CNTNAP2: variants seen among roughly 807,000 people sequenced by gnomAD.
CNTNAP2 encodes contactin-associated protein-like 2.
In CNTNAP2, 98 loss-of-function variants were observed where a neutral mutation model predicts 155.2. That is an observed-to-expected ratio of 0.63 (90% CI 0.54 to 0.75). CNTNAP2 has a LOEUF of 0.75. Among genes scored for constraint, CNTNAP2 ranks in the 30% least tolerant of loss-of-function variants. CNTNAP2 has a pLI of 0.00. For synonymous variants in CNTNAP2, 651 were observed against 631.2 expected, an observed-to-expected ratio of 1.03 and a Z score of -0.47; for missense variants, 1,727 against 1,688.1, an observed-to-expected ratio of 1.02 and a Z score of -0.40.
At chr7:146,992,195 T>A (rs1442424933) in intron 3 of CNTNAP2, among the ~76,000 whole-genome samples, 3 of 152,294 alleles carry the variant, frequency 2.0e-5, no homozygotes, top group South Asian at 2.1e-4. Context: ...TATAGTTTCA[T>A]GTTAAAGAAG....
chr7:147,778,765 T>C (rs989149681), intron 13 of CNTNAP2, among the ~76,000 whole-genome samples: 11 of 152,260 alleles, frequency 7.2e-5, no homozygotes, highest in African/African-American at 1.2e-4. Flanking sequence ...CCTGCCTTGG[T>C]CTCCCAAAGT....
At chr7:146,877,382 G>T (rs1484578953) in intron 3 of CNTNAP2, among the ~76,000 whole-genome samples, 3 of 151,826 alleles carry the variant, frequency 2.0e-5, no homozygotes, top group African/African-American at 2.4e-5. Flanking sequence ...CCATGTGCCT[G>T]CAGTCTTATC....
At chr7:146,931,731 A>G (rs1415363526) in intron 3 of CNTNAP2, among the ~76,000 whole-genome samples, 1 of 149,464 alleles carries the variant, frequency 6.7e-6, no homozygotes, top group African/African-American at 2.5e-5. Context: ...TCAAATAGAC[A>G]CAATAAAAAA....
chr7:147,951,488 G>T (rs1350281315), intron 14 of CNTNAP2, among the ~76,000 whole-genome samples: 2 of 152,158 alleles, frequency 1.3e-5, no homozygotes, highest in Non-Finnish European at 2.9e-5. Context: ...TTAAGAAAGG[G>T]TGATGCTGGA....
At chr7:146,414,259 GA>G (rs1237828027) in intron 1 of CNTNAP2, among the ~76,000 whole-genome samples, 1 of 152,196 alleles carries the variant, frequency 6.6e-6, no homozygotes, top group African/African-American at 2.4e-5. Flanking sequence ...AGAGTTGGAA[GA>G]AAAGGGTGGT....
intron 21 of CNTNAP2, among the ~76,000 whole-genome samples, chr7:148,270,388 T>C (rs544566806): frequency 6.6e-6 from 1 of 152,040 alleles, no homozygotes; most frequent in East Asian, 1.9e-4. Context: ...TGTAAGGAGG[T>C]CCACAATTCC....
At chr7:148,183,672 G>C (rs2116707259) in intron 18 of CNTNAP2, among the ~76,000 whole-genome samples, 1 of 151,956 alleles carries the variant, frequency 6.6e-6, no homozygotes, top group East Asian at 1.9e-4. Context: ...TGTAGAAACA[G>C]GGTCTCACTG....
intron 1 of CNTNAP2, among the ~76,000 whole-genome samples, chr7:146,463,587 C>G (rs1027780409): frequency 2.0e-5 from 3 of 151,524 alleles, no homozygotes; most frequent in Non-Finnish European, 2.9e-5. Context: ...TATATACATA[C>G]GTGCACATGC....
At chr7:147,313,842 A>G in intron 9 of CNTNAP2, among the ~76,000 whole-genome samples, 1 of 151,474 alleles carries the variant, frequency 6.6e-6, no homozygotes, top group Admixed American at 6.6e-5. Context: ...GAATCTATAA[A>G]TTACCTTGGG....
chr7:147,992,710 G>A (rs1044723517), intron 15 of CNTNAP2, among the ~76,000 whole-genome samples: 2 of 152,166 alleles, frequency 1.3e-5, no homozygotes, highest in Admixed American at 6.5e-5. Context: ...CTGTCTAAGG[G>A]TGAATAGAAC....
intron 4 of CNTNAP2, among the ~76,000 whole-genome samples, chr7:147,047,407 A>G (rs1327320750): frequency 6.6e-6 from 1 of 150,440 alleles, no homozygotes; most frequent in Non-Finnish European, 1.5e-5. Flanking sequence ...GGTTATGCTT[A>G]TTGGTCATAC....
At chr7:147,772,173 C>A (rs1316078359) in intron 13 of CNTNAP2, among the ~76,000 whole-genome samples, 1 of 151,676 alleles carries the variant, frequency 6.6e-6, no homozygotes, top group Non-Finnish European at 1.5e-5. Flanking sequence ...CACCTGTAAT[C>A]CCAGCACTTT....
intron 2 of CNTNAP2, among the ~76,000 whole-genome samples, chr7:146,775,276 C>T (rs946557589): frequency 6.6e-6 from 1 of 152,070 alleles, no homozygotes; most frequent in Non-Finnish European, 1.5e-5. Flanking sequence ...TAATATGTTG[C>T]ATCCTTGAAA....
At chr7:147,996,708 T>TGTAATACTAGATGAATTAAGCTTAAATGC (rs1423971991) in intron 15 of CNTNAP2, among the ~76,000 whole-genome samples, 8 of 152,206 alleles carry the variant, frequency 5.3e-5, no homozygotes, top group Non-Finnish European at 7.3e-5. Flanking sequence ...CCCTCAGTTT[T>TGTAATACTAGATGAATTAAGCTTAAATGC]GTAATACTAG....
At chr7:147,483,168 A>AC (rs1364199825) in intron 10 of CNTNAP2, among the ~76,000 whole-genome samples, 1 of 152,150 alleles carries the variant, frequency 6.6e-6, no homozygotes, top group East Asian at 1.9e-4. Context: ...GTACAGTTGG[A>AC]CCTCTGTATT....
chr7:148,171,936 TA>T (rs1255481463), intron 17 of CNTNAP2, among the ~76,000 whole-genome samples: 1 of 152,250 alleles, frequency 6.6e-6, no homozygotes, highest in Non-Finnish European at 1.5e-5. Flanking sequence ...GAGATTTCTG[TA>T]AACGCTTTTT....
chr7:147,295,820 A>G (rs1438558513), intron 8 of CNTNAP2, among the ~76,000 whole-genome samples: 1 of 152,178 alleles, frequency 6.6e-6, no homozygotes, highest in African/African-American at 2.4e-5. Flanking sequence ...TAAAATTTCA[A>G]AATAATAATT....
At chr7:148,291,298 A>AT (rs1563028090) in intron 21 of CNTNAP2, among the ~76,000 whole-genome samples, 14 of 131,346 alleles carry the variant, frequency 1.1e-4, no homozygotes, top group African/African-American at 2.7e-4. Context: ...ATATATATAT[A>AT]ATATATATAT....
intron 10 of CNTNAP2, among the ~76,000 whole-genome samples, chr7:147,401,242 T>A (rs556799366): frequency 6.6e-6 from 1 of 152,148 alleles, no homozygotes; most frequent in East Asian, 1.9e-4. Context: ...ACATCCCAGA[T>A]AACACAGAGA....
Sources: allele counts gnomAD v4.1 joint callset (sites outside exome capture counted in the v4.1 genomes callset), GRCh38; gene constraint gnomAD v4.1.1; transcripts MANE v1.5; gene names NCBI Gene and HGNC (gene_info 2026-07-23, HGNC 2026-07-21).